RARB: variants seen among roughly 807,000 people sequenced by gnomAD.
RARB encodes HBV-activated protein.
A neutral mutation model predicts 51.9 loss-of-function variants in RARB; 17 were observed. The ratio of observed to expected loss-of-function variants is 0.33; its 90% CI spans 0.22 to 0.49. The LOEUF (loss-of-function observed/expected upper bound fraction) is 0.49. Among genes scored for constraint, RARB ranks in the 20% least tolerant of loss-of-function variants. The probability of loss-of-function intolerance (pLI) is 0.99; values close to 1 mark genes in which losing one functional copy is unlikely to be tolerated. For missense variants in RARB, 369 were observed against 550.8 expected (o/e 0.67, Z 3.30); for synonymous variants, 215 against 195.4 (o/e 1.10, Z -0.84).
intron 2 of RARB, among the ~76,000 whole-genome samples, chr3:25,007,592 C>T (rs865940987): frequency 2.2e-5 from 1 of 45,416 alleles, no homozygotes; most frequent in Admixed American, 3.3e-4. Context: ...GAGACTGTCT[C>T]AAAAAAAAAA....
intron 2 of RARB, among the ~76,000 whole-genome samples, chr3:24,904,627 A>G (rs1451359699): frequency 6.6e-6 from 1 of 152,244 alleles, no homozygotes; most frequent in Non-Finnish European, 1.5e-5. Context: ...ATATAGAACT[A>G]GAAATATCAT....
chr3:24,845,269 C>T (rs1156885166), intron 1 of RARB, among the ~76,000 whole-genome samples: 1 of 152,122 alleles, frequency 6.6e-6, no homozygotes, highest in African/African-American at 2.4e-5. Context: ...CAGATAAATA[C>T]CCAATTTCAG....
chr3:24,893,686 T>A (rs1703429495), intron 2 of RARB, among the ~76,000 whole-genome samples: 1 of 85,180 alleles, frequency 1.2e-5, no homozygotes, highest in Non-Finnish European at 2.0e-5. Flanking sequence ...CCTCACTGAT[T>A]TTTTTTTTTT....
chr3:25,365,576 C>A (rs534658429), intron 5 of RARB, among the ~76,000 whole-genome samples: 1 of 152,220 alleles, frequency 6.6e-6, no homozygotes, highest in South Asian at 2.1e-4. Context: ...ACAGAAATGG[C>A]TTATCTCTGC....
intron 2 of RARB, among the ~76,000 whole-genome samples, chr3:24,996,360 C>T (rs1259168816): frequency 6.6e-6 from 1 of 151,854 alleles, no homozygotes; most frequent in Non-Finnish European, 1.5e-5. Context: ...TTATTTTTCT[C>T]ATTAGTCTAT....
Position 25,405,245 on chromosome 3 carries a change from A to G in RARB, c.179-55948A>G, listed in dbSNP as rs1461595935. On this transcript the variant is annotated intron_variant, in intron 5 of 11. Transcript: ENST00000383772. ...AAATAATCTACTATATTGGCTGGGC[A>G]CAATGGCTCATGGCTGTAATCCCAG... 1.3e-5 allele frequency among the ~76,000 whole-genome samples: 2 copies of G among 152,188 alleles called. 1 individual carries two copies. The highest frequency in any genetic ancestry group is 1.3e-4 in the Admixed American group (2 of 15,278).
At chr3:25,156,547 A>T (rs1028383832) in intron 4 of RARB, among the ~76,000 whole-genome samples, 1 of 110,928 alleles carries the variant, frequency 9.0e-6, no homozygotes, top group Non-Finnish European at 1.9e-5. Context: ...AAAAAAAAAA[A>T]GGCAGTTAGA....
At chr3:25,192,773 T>C (rs1701135897) in intron 5 of RARB, among the ~76,000 whole-genome samples, 1 of 152,024 alleles carries the variant, frequency 6.6e-6, no homozygotes, top group African/African-American at 2.4e-5. Context: ...AACACCAGTG[T>C]CACCCATCGA....
At chr3:25,131,088 A>G (rs1233887019) in intron 3 of RARB, among the ~76,000 whole-genome samples, 1 of 151,890 alleles carries the variant, frequency 6.6e-6, no homozygotes, top group Non-Finnish European at 1.5e-5. Context: ...GTTTATGTGG[A>G]ATCAACCTCT....
At chr3:24,873,783 T>C (rs1702991004) in intron 2 of RARB, among the ~76,000 whole-genome samples, 1 of 152,050 alleles carries the variant, frequency 6.6e-6, no homozygotes, top group Admixed American at 6.6e-5. Context: ...TCTTTGAATA[T>C]TTTTATATTT....
chr3:25,024,057 C>T (rs1697693713), intron 2 of RARB, among the ~76,000 whole-genome samples: 1 of 152,136 alleles, frequency 6.6e-6, no homozygotes, highest in African/African-American at 2.4e-5. Flanking sequence ...CTATCAAGCT[C>T]TACTCTCAGA....
chr3:25,540,737 G>C (rs938698578), intron 3 of RARB, among the ~76,000 whole-genome samples: 6 of 152,208 alleles, frequency 3.9e-5, no homozygotes, highest in Non-Finnish European at 4.4e-5. Flanking sequence ...GTGAGAGAGA[G>C]ATCATAACAT....
chr3:24,997,125 T>C (rs892101591), intron 2 of RARB, among the ~76,000 whole-genome samples: 3 of 144,282 alleles, frequency 2.1e-5, no homozygotes, highest in Non-Finnish European at 4.5e-5. Context: ...TTACTTTATA[T>C]ATCTGAGGGC....
intron 3 of RARB, among the ~76,000 whole-genome samples, chr3:25,525,548 A>C (rs1575487727): frequency 6.8e-6 from 1 of 148,128 alleles, no homozygotes; most frequent in Non-Finnish European, 1.5e-5. Flanking sequence ...AGCACTTACT[A>C]TGTAGACTTT....
intron 4 of RARB, 45 bp from the exon 5 acceptor site, chr3:25,580,501 A>G (rs1027749451): frequency 1.3e-5 from 20 of 1,486,300 alleles, no homozygotes; most frequent in South Asian, 2.6e-5. Flanking sequence ...CCTCCTATAG[A>G]GCTTCCCGGA....
chr3:25,481,408 T>C (rs1364456149), intron 2 of RARB, among the ~76,000 whole-genome samples: 1 of 152,242 alleles, frequency 6.6e-6, no homozygotes, highest in African/African-American at 2.4e-5. Flanking sequence ...TTTTGAATTT[T>C]TCTGCATTTA....
At chr3:25,456,684 G>T (rs2023199) in intron 1 of RARB, among the ~76,000 whole-genome samples, 22,938 of 75,580 alleles carry the variant, frequency 0.3, 1,947 homozygotes, top group East Asian at 0.34. Context: ...TATATATATA[G>T]AGAGAGAGAG....
At chr3:25,047,899 C>T (rs1417198607) in intron 2 of RARB, among the ~76,000 whole-genome samples, 1 of 152,154 alleles carries the variant, frequency 6.6e-6, no homozygotes, top group Non-Finnish European at 1.5e-5. Context: ...CTGTAAAGGG[C>T]AGGACAAAGT....
At chr3:25,374,139 G>T (rs182728874) in intron 5 of RARB, among the ~76,000 whole-genome samples, 1 of 152,274 alleles carries the variant, frequency 6.6e-6, no homozygotes, top group Non-Finnish European at 1.5e-5. Context: ...AGGGCTGAGT[G>T]GACGTAGCTG....
Sources: allele counts gnomAD v4.1 joint callset (sites outside exome capture counted in the v4.1 genomes callset), GRCh38; gene constraint gnomAD v4.1.1; transcripts MANE v1.5; gene names NCBI Gene and HGNC (gene_info 2026-07-23, HGNC 2026-07-21).